Variants in DLG2 observed in about 807,000 individuals in gnomAD.
DLG2 encodes the protein discs large MAGUK scaffold protein 2.
Under a neutral mutation model 132.5 loss-of-function variants are expected in DLG2, and 45 were observed. That is an observed-to-expected ratio of 0.34 (90% CI 0.27 to 0.44). The LOEUF is 0.44. Ranked by LOEUF, DLG2 falls within the 20% of genes least tolerant of loss-of-function variation. The pLI, the probability that DLG2 is intolerant of heterozygous loss-of-function variation, is 1.00. For synonymous variants in DLG2, 424 were observed against 419.6 expected (o/e 1.01, Z -0.13); for missense variants, 1,045 against 1,196.9 (o/e 0.87, Z 1.87).
In DLG2 at chr11:83,744,251, C is replaced by T. The variant is rs139667105; in HGVS notation, c.1825+42439G>A. Among the ~76,000 whole-genome samples the T allele has an allele frequency of 1.7e-3, 254 of 152,260 alleles. 1 individual carries two copies. Among genetic ancestry groups the T allele is most frequent in the African/African-American group, 6.1e-3 (252 of 41,548 alleles). On this transcript the variant is annotated intron_variant, in intron 18 of 27. Coordinates refer to ENST00000376104, the MANE Select transcript of DLG2 (RefSeq NM_001142699.3). ...TTGATCCAGCAGCTGCCTCCTAATT[C>T]CCACTCCTTCAATTATTCAGCAATA...
chr11:83,889,512 C>G (rs1359699787), intron 15 of DLG2, among the ~76,000 whole-genome samples: 1 of 152,162 alleles, frequency 6.6e-6, no homozygotes, highest in Admixed American at 6.5e-5. Flanking sequence ...GTTGGTGGGA[C>G]TGTAAACTAG....
At chr11:83,979,464 C>T (rs1217216656) in intron 12 of DLG2, among the ~76,000 whole-genome samples, 1 of 152,156 alleles carries the variant, frequency 6.6e-6, no homozygotes. Context: ...GATTATTATC[C>T]TGTAGATTTT....
At chr11:84,779,196 A>ACG (rs533799437) in intron 6 of DLG2, among the ~76,000 whole-genome samples, 3,585 of 94,050 alleles carry the variant, frequency 0.038, 121 homozygotes, top group African/African-American at 0.096. Context: ...ATATGTGCGC[A>ACG]CACACACACA....
intron 3 of DLG2, among the ~76,000 whole-genome samples, chr11:85,403,036 T>A (rs952658148): frequency 6.6e-6 from 1 of 152,130 alleles, no homozygotes; most frequent in African/African-American, 2.4e-5. Context: ...TAAAGACACA[T>A]GTACACGTAT....
rs547398647 is a variant in DLG2 at position 83,549,165 on chromosome 11, G to C, written c.1941-7307C>G. Reference sequence around the variant, plus strand: ...GTCCTCACCTTTCTATGCAGCAAGAGAAAGAACACTAGCAACGGAAAATAA... The same window carrying C: ...GTCCTCACCTTTCTATGCAGCAAGACAAAGAACACTAGCAACGGAAAATAA... On this transcript the variant is annotated intron_variant, in intron 19 of 27. Transcript: ENST00000376104. Among the ~76,000 whole-genome samples the C allele has an allele frequency of 2.0e-3, 310 of 152,240 alleles. 1 individual carries two copies. Among genetic ancestry groups the C allele is most frequent in the Non-Finnish European group, 2.3e-3 (157 of 68,016 alleles).
intron 6 of DLG2, among the ~76,000 whole-genome samples, chr11:84,983,319 T>C (rs1337473831): frequency 1.3e-5 from 2 of 152,146 alleles, no homozygotes; most frequent in Non-Finnish European, 1.5e-5. Context: ...CACAGGACTC[T>C]ATGTAGACAA....
intron 7 of DLG2, among the ~76,000 whole-genome samples, chr11:84,511,734 T>C (rs959543793): frequency 2.6e-5 from 4 of 152,168 alleles, no homozygotes; most frequent in African/African-American, 9.7e-5. Context: ...GCTGGTTCTT[T>C]ATATACTCTG....
chr11:83,673,575 G>C (rs1324027193), intron 18 of DLG2, among the ~76,000 whole-genome samples: 2 of 152,066 alleles, frequency 1.3e-5, no homozygotes, highest in African/African-American at 4.8e-5. Flanking sequence ...TTTTTTGTTC[G>C]ATTAAGGGGC....
intron 7 of DLG2, among the ~76,000 whole-genome samples, chr11:84,336,582 T>A (rs2098485677): frequency 6.6e-6 from 1 of 152,184 alleles, no homozygotes; most frequent in African/African-American, 2.4e-5. Context: ...CTTTCCTGGC[T>A]TCCTATGTTT....
intron 7 of DLG2, among the ~76,000 whole-genome samples, chr11:84,399,006 A>G (rs1427437337): frequency 6.6e-6 from 1 of 152,218 alleles, no homozygotes; most frequent in African/African-American, 2.4e-5. Context: ...ACTTTTTAGT[A>G]TGCATAGTAT....
intron 21 of DLG2, among the ~76,000 whole-genome samples, chr11:83,514,052 C>A (rs2095181108): frequency 6.6e-6 from 1 of 151,980 alleles, no homozygotes; most frequent in Non-Finnish European, 1.5e-5. Flanking sequence ...GTAGTTTTTT[C>A]CAATTCTGTG....
intron 6 of DLG2, among the ~76,000 whole-genome samples, chr11:84,599,803 A>G (rs572995959): frequency 4.6e-5 from 7 of 152,094 alleles, no homozygotes; most frequent in Non-Finnish European, 1.0e-4. Flanking sequence ...AGGCAGAGGC[A>G]GGCAGATCGC....
chr11:84,884,730 T>A (rs2087941825), intron 6 of DLG2, among the ~76,000 whole-genome samples: 1 of 152,064 alleles, frequency 6.6e-6, no homozygotes, highest in African/African-American at 2.4e-5. Context: ...ATCCAGGGGA[T>A]ACAGTATTGC....
chr11:84,945,585 G>C (rs1302178395), intron 6 of DLG2, among the ~76,000 whole-genome samples: 1 of 152,198 alleles, frequency 6.6e-6, no homozygotes, highest in Non-Finnish European at 1.5e-5. Context: ...GTTCCCTCAA[G>C]GCTCAAGTGC....
intron 8 of DLG2, among the ~76,000 whole-genome samples, chr11:84,243,277 ATTATT>A (rs2097259949): frequency 6.6e-6 from 1 of 152,160 alleles, no homozygotes; most frequent in Non-Finnish European, 1.5e-5. Flanking sequence ...GTAATTTTGT[ATTATT>A]TTATTTTAAT....
intron 6 of DLG2, among the ~76,000 whole-genome samples, chr11:84,783,275 A>G (rs950924259): frequency 2.0e-5 from 3 of 152,228 alleles, no homozygotes; most frequent in South Asian, 4.1e-4. Flanking sequence ...TTATCCTATC[A>G]CGGCCTTAGT....
chr11:83,860,337 G>A (rs1595564695), intron 16 of DLG2, among the ~76,000 whole-genome samples: 4 of 152,146 alleles, frequency 2.6e-5, no homozygotes, highest in Admixed American at 2.6e-4. Context: ...CAAAGCCACA[G>A]GAGTGGAGCT....
chr11:83,933,873 G>A (rs375525418), intron 14 of DLG2, among the ~76,000 whole-genome samples: 148 of 152,340 alleles, frequency 9.7e-4, no homozygotes, highest in African/African-American at 3.5e-3. Flanking sequence ...TTCTCCTATG[G>A]AAGGTGAATA....
chr11:84,324,909 AT>A (rs1345668065), intron 7 of DLG2, among the ~76,000 whole-genome samples: 1 of 152,014 alleles, frequency 6.6e-6, no homozygotes, highest in Non-Finnish European at 1.5e-5. Flanking sequence ...TAAGTTCCAG[AT>A]TTTTTGTGTG....
Sources: gnomAD v4.1 joint callset for allele counts (sites outside exome capture counted in the v4.1 genomes callset) on GRCh38, gnomAD v4.1.1 for gene constraint, MANE v1.5 for transcripts, NCBI Gene and HGNC (gene_info 2026-07-23, HGNC 2026-07-21) for gene names.